WWOX: variants seen among roughly 807,000 people sequenced by gnomAD.
The protein encoded by WWOX is WW domain-containing oxidoreductase.
WWOX carries 69 observed loss-of-function variants against 46.2 expected under a neutral mutation model. The ratio of observed to expected loss-of-function variants is 1.49; its 90% CI spans 1.23 to 1.82. WWOX has a LOEUF of 1.82. WWOX is among the 40% of genes most tolerant of loss of function. The probability of loss-of-function intolerance (pLI) is 0.00; values close to 1 mark genes in which losing one functional copy is unlikely to be tolerated. For missense variants in WWOX, 919 were observed against 542.6 expected (o/e 1.69, Z -6.89); for synonymous variants, 359 against 202.6 (o/e 1.77, Z -6.56).
chr16:78,456,188 T>A (rs924269798), intron 8 of WWOX, among the ~76,000 whole-genome samples: 3 of 152,196 alleles, frequency 2.0e-5, no homozygotes, highest in African/African-American at 7.2e-5. Context: ...TGTCTGAGAT[T>A]CAGAGGTTGT....
intron 8 of WWOX, among the ~76,000 whole-genome samples, chr16:78,980,662 A>T (rs1416764076): frequency 6.6e-6 from 1 of 152,186 alleles, no homozygotes; most frequent in Non-Finnish European, 1.5e-5. Context: ...GGAACCCCAC[A>T]TGGCATTTCA....
At chr16:79,185,040 G>A (rs544101660) in intron 8 of WWOX, among the ~76,000 whole-genome samples, 7 of 152,240 alleles carry the variant, frequency 4.6e-5, no homozygotes, top group African/African-American at 1.4e-4. Flanking sequence ...TTTGATTAAC[G>A]CTCACCTTCT....
chr16:79,185,845 T>C (rs1346248102), intron 8 of WWOX, among the ~76,000 whole-genome samples: 2 of 152,096 alleles, frequency 1.3e-5, no homozygotes, highest in Non-Finnish European at 2.9e-5. Context: ...ATCTGTTTTC[T>C]AGGAAGTACT....
intron 8 of WWOX, among the ~76,000 whole-genome samples, chr16:78,795,410 A>G (rs1011890733): frequency 6.6e-6 from 1 of 152,028 alleles, no homozygotes; most frequent in Admixed American, 6.6e-5. Flanking sequence ...TGGAAAGGAG[A>G]TCCTTGAATT....
At chr16:79,012,510 C>T (rs951078312) in intron 8 of WWOX, among the ~76,000 whole-genome samples, 1 of 152,148 alleles carries the variant, frequency 6.6e-6, no homozygotes, top group Admixed American at 6.5e-5. Flanking sequence ...ACTGGGATTA[C>T]AGACAAGAGC....
chr16:78,310,711 C>T (rs1394226603), intron 5 of WWOX, among the ~76,000 whole-genome samples: 1 of 152,198 alleles, frequency 6.6e-6, no homozygotes, highest in Non-Finnish European at 1.5e-5. Flanking sequence ...ATTTGGCTTC[C>T]ATTAGCAAGG....
In WWOX at chr16:78,357,363, C is replaced by G. The variant is rs372787990; in HGVS notation, c.517-29497C>G. On this transcript the variant is annotated intron_variant, in intron 5 of 8. Coordinates refer to ENST00000566780, the MANE Select transcript of WWOX (RefSeq NM_016373.4). ...AAACACACTCCAGAATGCAAAGGAA[C>G]CTGCACTGTGCCATCTTGCTTCTCC... is the stretch of plus-strand genomic sequence containing the variant. Among the ~76,000 whole-genome samples the G allele has an allele frequency of 2.0e-5, 3 of 152,258 alleles. No individual in the cohort carries two copies. In the South Asian group the frequency reaches 6.2e-4, roughly 32 times the overall value.
intron 5 of WWOX, among the ~76,000 whole-genome samples, chr16:78,312,778 G>A (rs13337194): frequency 0.1 from 15,947 of 152,266 alleles, 906 homozygotes; most frequent in East Asian, 0.14. Context: ...GTGCTTAGAA[G>A]TTCATGCCAT....
chr16:79,086,830 C>T (rs565262381), intron 8 of WWOX, among the ~76,000 whole-genome samples: 1 of 152,328 alleles, frequency 6.6e-6, no homozygotes, highest in East Asian at 1.9e-4. Context: ...ATGCAGTGAA[C>T]TGTGATTGTG....
chr16:78,519,538 A>T lies in WWOX; in HGVS notation c.1056+86786A>T, dbSNP rs868077173. On this transcript the variant is annotated intron_variant, in intron 8 of 8. Transcript: ENST00000566780. ...TGGATATATAGACATACACAGATGC[A>T]TATTTAGGGTGTGCTATGGTTAGAA... 1.1e-4 allele frequency among the ~76,000 whole-genome samples: 17 copies of T among 152,132 alleles called. No homozygotes were observed. The South Asian group carries it at 1.2e-3, about 11-fold the overall frequency.
At chr16:78,726,097 C>G (rs1478570216) in intron 8 of WWOX, among the ~76,000 whole-genome samples, 1 of 138,688 alleles carries the variant, frequency 7.2e-6, no homozygotes, top group African/African-American at 2.7e-5. Flanking sequence ...TCCTCCCTCC[C>G]TCCCTCCCTC....
intron 5 of WWOX, among the ~76,000 whole-genome samples, chr16:78,313,658 G>C (rs140909806): frequency 6.6e-6 from 1 of 152,114 alleles, no homozygotes; most frequent in South Asian, 2.1e-4. Context: ...GAGCCACTGC[G>C]TCAGGCCTAT....
intron 8 of WWOX, among the ~76,000 whole-genome samples, chr16:78,839,209 G>T (rs2052072072): frequency 6.6e-6 from 1 of 151,972 alleles, no homozygotes; most frequent in Non-Finnish European, 1.5e-5. Flanking sequence ...TCACCCACGA[G>T]CCCACCACCC....
intron 8 of WWOX, among the ~76,000 whole-genome samples, chr16:78,866,791 T>TCTTG (rs1354754255): frequency 1.3e-5 from 2 of 152,212 alleles, no homozygotes; most frequent in African/African-American, 4.8e-5. Flanking sequence ...CTGTAATGTA[T>TCTTG]CTTGAGCTAG....
intron 8 of WWOX, among the ~76,000 whole-genome samples, chr16:78,434,911 G>A (rs984555560): frequency 6.6e-6 from 1 of 152,166 alleles, no homozygotes; most frequent in Non-Finnish European, 1.5e-5. Flanking sequence ...AAAGAAGGAA[G>A]GCAAGTTCTG....
chr16:78,773,425 C>T (rs566675542), intron 8 of WWOX, among the ~76,000 whole-genome samples: 4 of 152,304 alleles, frequency 2.6e-5, no homozygotes, highest in African/African-American at 9.6e-5. Flanking sequence ...AGAGCGCAGA[C>T]ATTTGGCTCC....
chr16:78,628,528 C>G (rs888159483), intron 8 of WWOX, among the ~76,000 whole-genome samples: 1 of 152,108 alleles, frequency 6.6e-6, no homozygotes, highest in Non-Finnish European at 1.5e-5. Context: ...AGGATAAGAA[C>G]TATATTTTCT....
intron 5 of WWOX, among the ~76,000 whole-genome samples, chr16:78,249,118 G>A (rs2037910585): frequency 6.6e-6 from 1 of 152,126 alleles, no homozygotes; most frequent in African/African-American, 2.4e-5. Flanking sequence ...CTCCCAAAGT[G>A]CTGAGATTAC....
intron 5 of WWOX, among the ~76,000 whole-genome samples, chr16:78,245,262 C>T (rs753451794): frequency 4.6e-5 from 7 of 152,176 alleles, no homozygotes; most frequent in African/African-American, 7.2e-5. Flanking sequence ...AGAGGAACCA[C>T]GGTTTAGTTC....
Sources: gnomAD v4.1 joint callset for allele counts (sites outside exome capture counted in the v4.1 genomes callset) on GRCh38, gnomAD v4.1.1 for gene constraint, MANE v1.5 for transcripts, NCBI Gene and HGNC (gene_info 2026-07-23, HGNC 2026-07-21) for gene names.